The following KDM4C variants were observed in gnomAD, a reference collection of about 807,000 sequenced individuals.
The protein encoded by KDM4C is lysine demethylase 4C.
A neutral mutation model predicts 129.3 loss-of-function variants in KDM4C; 81 were observed. The ratio of observed to expected loss-of-function variants is 0.63; its 90% CI spans 0.52 to 0.75. The LOEUF is 0.75. KDM4C is among the 30% of genes least tolerant of loss of function. The pLI is 0.00. For missense variants in KDM4C, 1,457 were observed against 1,304.0 expected, an observed-to-expected ratio of 1.12 and a Z score of -1.81; for synonymous variants, 573 against 456.1, an observed-to-expected ratio of 1.26 and a Z score of -3.26.
At chr9:6,825,933 A>G (rs1287736072) in intron 4 of KDM4C, among the ~76,000 whole-genome samples, 1 of 152,060 alleles carries the variant, frequency 6.6e-6, no homozygotes, top group Non-Finnish European at 1.5e-5. Context: ...ACCTCAGCCT[A>G]CTGAGTAGCT....
At chr9:6,943,382 C>T (rs910951454) in intron 8 of KDM4C, among the ~76,000 whole-genome samples, 7 of 152,184 alleles carry the variant, frequency 4.6e-5, no homozygotes, top group African/African-American at 1.7e-4. Context: ...ACAAACTTCG[C>T]ATTTCTCTTT....
rs796415537 is a variant in KDM4C, at chr9:6,824,301, T to C, written c.435+9556T>C. ...TATTCTCTAGCTCCAGTCTCTAGCATAGGGTCTGATGAGTGCATGGCATTG... is the reference window on the plus strand; with the variant it reads ...TATTCTCTAGCTCCAGTCTCTAGCACAGGGTCTGATGAGTGCATGGCATTG... On this transcript the variant is annotated intron_variant, in intron 4 of 21. Coordinates refer to ENST00000381309, the MANE Select transcript of KDM4C (RefSeq NM_015061.6). Among the ~76,000 whole-genome samples, 6 of 152,294 alleles carry C rather than the reference T, an allele frequency of 3.9e-5. No individual in the cohort carries two copies. The East Asian group carries it at 5.8e-4, about 15-fold the overall frequency.
intron 1 of KDM4C, among the ~76,000 whole-genome samples, chr9:6,725,323 A>AGTGT (rs71308873): frequency 0.21 from 31,114 of 150,082 alleles, 3,413 homozygotes; most frequent in Non-Finnish European, 0.24. Context: ...GAGTGCATCT[A>AGTGT]GTGTGTGTGT....
intron 17 of KDM4C, among the ~76,000 whole-genome samples, chr9:7,056,711 C>T (rs771617440): frequency 6.6e-6 from 1 of 152,188 alleles, no homozygotes; most frequent in Non-Finnish European, 1.5e-5. Flanking sequence ...CATTATTAGA[C>T]AGGTGGGACT....
intron 8 of KDM4C, among the ~76,000 whole-genome samples, chr9:6,960,950 C>T (rs61290480): frequency 0.088 from 13,450 of 152,166 alleles, 1,540 homozygotes; most frequent in African/African-American, 0.26. Flanking sequence ...GACATCCATA[C>T]ACGCATTGTG....
intron 1 of KDM4C, among the ~76,000 whole-genome samples, chr9:6,760,633 C>G (rs191122685): frequency 1.8e-4 from 28 of 151,850 alleles, no homozygotes; most frequent in African/African-American, 6.5e-4. Flanking sequence ...TGCAGTGGCA[C>G]GATCTCTGCT....
At chr9:7,167,063 G>A (rs897878935) in intron 20 of KDM4C, among the ~76,000 whole-genome samples, 28 of 152,254 alleles carry the variant, frequency 1.8e-4, no homozygotes, top group East Asian at 5.8e-4. Flanking sequence ...AGGCATATGC[G>A]TTTTTTGACC....
chr9:6,971,243 A>G (rs1589388972), intron 8 of KDM4C, among the ~76,000 whole-genome samples: 2 of 152,108 alleles, frequency 1.3e-5, no homozygotes, highest in Non-Finnish European at 2.9e-5. Flanking sequence ...ATATGGATGG[A>G]TAGTTGGAAT....
intron 8 of KDM4C, among the ~76,000 whole-genome samples, chr9:6,916,100 C>T (rs1029048571): frequency 2.0e-5 from 3 of 152,120 alleles, no homozygotes; most frequent in African/African-American, 7.2e-5. Flanking sequence ...AGGAGAGAGT[C>T]AGCAACCTGA....
chr9:6,936,951 A>G lies in KDM4C; in HGVS notation c.921+43719A>G, dbSNP rs911650385. On this transcript the variant is annotated intron_variant, in intron 8 of 21. Coordinates refer to ENST00000381309, the MANE Select transcript of KDM4C (RefSeq NM_015061.6). Reference sequence around the variant, plus strand: ...AAATATTCATTAAATGTGTTCTTTTATTGACTTGGTTTTAGTTACAGATTC... The same window carrying G: ...AAATATTCATTAAATGTGTTCTTTTGTTGACTTGGTTTTAGTTACAGATTC... Among the ~76,000 whole-genome samples, 28 of 152,170 alleles carry G rather than the reference A, an allele frequency of 1.8e-4. 1 individual carries two copies. Among genetic ancestry groups the G allele is most frequent in the East Asian group, 1.9e-4 (1 of 5,196 alleles).
Position 7,033,563 on chromosome 9 carries a change from G to T in KDM4C, c.2260-13299G>T, listed in dbSNP as rs369541538. ...GTTATCCTGACAGCATAGCTATGAT[G>T]TGGAAGCCGTCCTGTTAGGGAACTG... is the stretch of plus-strand genomic sequence containing the variant. On this transcript the variant is annotated intron_variant, in intron 15 of 21. Transcript: ENST00000381309. 5.3e-5 allele frequency among the ~76,000 whole-genome samples: 8 copies of T among 152,316 alleles called. No homozygotes were observed. The East Asian group carries it at 1.5e-3, about 29-fold the overall frequency.
In KDM4C at chr9:6,888,936, C is replaced by T. The variant is rs893268370; in HGVS notation, c.783+873C>T. 5.7e-5 allele frequency among the ~76,000 whole-genome samples: 5 copies of T among 87,456 alleles called. 2 individuals carry two copies. The highest frequency in any genetic ancestry group is 8.3e-4 in the South Asian group (2 of 2,414). 57.4% of individuals were successfully genotyped at this position (87,456 alleles called of 152,430 possible). On this transcript the variant is annotated intron_variant, in intron 7 of 21. Transcript: ENST00000381309. ...CCAAGTAGCTGGGACTACAGGCGCC[C>T]GCCACTACGCCCGGCTAATTTTTTT...
At chr9:6,904,559 G>C (rs896477177) in intron 8 of KDM4C, among the ~76,000 whole-genome samples, 1 of 152,076 alleles carries the variant, frequency 6.6e-6, no homozygotes, top group Non-Finnish European at 1.5e-5. Flanking sequence ...TGGTAGGTGG[G>C]CTTGTGCTTG....
At chr9:7,055,710 G>C (rs1159821342) in intron 17 of KDM4C, among the ~76,000 whole-genome samples, 1 of 152,114 alleles carries the variant, frequency 6.6e-6, no homozygotes, top group Admixed American at 6.5e-5. Context: ...TTAGACGAAG[G>C]CGCATGTTCT....
At chr9:6,870,928 A>G (rs1249427042) in intron 5 of KDM4C, among the ~76,000 whole-genome samples, 1 of 152,150 alleles carries the variant, frequency 6.6e-6, no homozygotes, top group Non-Finnish European at 1.5e-5. Context: ...TGGATGTCAC[A>G]AGGTGAGTGG....
chr9:6,948,601 C>G, intron 8 of KDM4C, among the ~76,000 whole-genome samples: 1 of 149,770 alleles, frequency 6.7e-6, no homozygotes, highest in East Asian at 2.0e-4. Flanking sequence ...GAACAAAGGT[C>G]TCTGGTTTTC....
intron 8 of KDM4C, among the ~76,000 whole-genome samples, chr9:6,975,243 G>C (rs1301149601): frequency 6.6e-6 from 1 of 152,192 alleles, no homozygotes; most frequent in African/African-American, 2.4e-5. Flanking sequence ...AAAATTGTTA[G>C]CTAGGCTGGT....
intron 17 of KDM4C, among the ~76,000 whole-genome samples, chr9:7,056,930 A>T (rs1485680409): frequency 6.6e-6 from 1 of 152,168 alleles, no homozygotes; most frequent in Non-Finnish European, 1.5e-5. Flanking sequence ...CAACAAACAC[A>T]TGCCAAACCG....
In KDM4C at chr9:6,840,890, C is replaced by T. The variant is rs80126783; in HGVS notation, c.436-8617C>T. ...GGTAGAAGACATGTCCCCAGCTCTACAGTTAGCAAGCTTTGAGAGAGGCAA... is the reference window on the plus strand; with the variant it reads ...GGTAGAAGACATGTCCCCAGCTCTATAGTTAGCAAGCTTTGAGAGAGGCAA... On this transcript the variant is annotated intron_variant, in intron 4 of 21. Transcript: ENST00000381309. 1.3e-3 allele frequency among the ~76,000 whole-genome samples: 192 copies of T among 152,308 alleles called. 1 individual carries two copies. In the East Asian group the frequency reaches 0.026, roughly 21 times the overall value.
Sources: gnomAD v4.1 joint callset for allele counts (sites outside exome capture counted in the v4.1 genomes callset) on GRCh38, gnomAD v4.1.1 for gene constraint, MANE v1.5 for transcripts, NCBI Gene and HGNC (gene_info 2026-07-23, HGNC 2026-07-21) for gene names.